Variants in GRM3 observed in about 807,000 individuals in gnomAD.
The protein encoded by GRM3 is metabotropic glutamate receptor 3.
GRM3 carries 26 observed loss-of-function variants against 70.5 expected under a neutral mutation model. That is an observed-to-expected ratio of 0.37 (90% confidence interval 0.27 to 0.51). GRM3 has a LOEUF of 0.51. Among genes scored for constraint, GRM3 ranks in the 20% least tolerant of loss-of-function variants. The pLI is 0.93. For missense variants in GRM3, 859 were observed against 1,123.8 expected, an observed-to-expected ratio of 0.76 and a Z score of 3.37; for synonymous variants, 443 against 434.9, an observed-to-expected ratio of 1.02 and a Z score of -0.23.
intron 2 of GRM3, among the ~76,000 whole-genome samples, chr7:86,784,932 G>A (rs1370954959): frequency 6.6e-6 from 1 of 152,158 alleles, no homozygotes; most frequent in Admixed American, 6.5e-5. Flanking sequence ...ATGCTGTGTA[G>A]CTGTGTATGA....
At chr7:86,700,950 T>C (rs1337452464) in intron 1 of GRM3, among the ~76,000 whole-genome samples, 7 of 151,954 alleles carry the variant, frequency 4.6e-5, no homozygotes, top group Non-Finnish European at 1.0e-4. Context: ...TTGATGTTCA[T>C]TGTAATTTTA....
intron 3 of GRM3, among the ~76,000 whole-genome samples, chr7:86,822,800 A>C (rs1318962258): frequency 6.6e-6 from 1 of 152,226 alleles, no homozygotes; most frequent in East Asian, 1.9e-4. Context: ...GAAAGGCTAC[A>C]TACCATATCA....
intron 1 of GRM3, among the ~76,000 whole-genome samples, chr7:86,655,166 G>A (rs73704953): frequency 0.022 from 3,423 of 152,208 alleles, 128 homozygotes; most frequent in African/African-American, 0.077. Flanking sequence ...CTTTCTGTTT[G>A]CACCAAATAC....
chr7:86,862,722 G>A (rs1042413462), intron 5 of GRM3, among the ~76,000 whole-genome samples: 3 of 152,124 alleles, frequency 2.0e-5, no homozygotes, highest in African/African-American at 7.2e-5. Flanking sequence ...TTGAGGGGCT[G>A]TAGATTCCCT....
At chr7:86,712,322 T>C (rs1562834581) in intron 1 of GRM3, among the ~76,000 whole-genome samples, 2 of 152,090 alleles carry the variant, frequency 1.3e-5, no homozygotes. Context: ...TTTAGCGTTA[T>C]GTCACTTCAT....
intron 1 of GRM3, among the ~76,000 whole-genome samples, chr7:86,763,956 A>G (rs1375983722): frequency 3.9e-5 from 6 of 152,144 alleles, no homozygotes; most frequent in Admixed American, 6.6e-5. Flanking sequence ...AAGAAGTGGT[A>G]GCTTTGGGAG....
chr7:86,861,951 G>A (rs1798969631), intron 5 of GRM3, among the ~76,000 whole-genome samples: 2 of 152,324 alleles, frequency 1.3e-5, no homozygotes, highest in South Asian at 4.1e-4. Flanking sequence ...GTTGCCCCAG[G>A]GTGGTAGATG....
intron 1 of GRM3, among the ~76,000 whole-genome samples, chr7:86,649,059 C>T (rs1793546036): frequency 6.6e-6 from 1 of 152,116 alleles, no homozygotes; most frequent in African/African-American, 2.4e-5. Flanking sequence ...GAAACACTCA[C>T]GTGGATTAGG....
At chr7:86,851,359 T>C (rs1183184265) in intron 5 of GRM3, among the ~76,000 whole-genome samples, 1 of 152,144 alleles carries the variant, frequency 6.6e-6, no homozygotes, top group Non-Finnish European at 1.5e-5. Context: ...AGAGAATCAT[T>C]GATTTAATTC....
At position 86,765,377 on chromosome 7, in the gene GRM3, G is replaced by A; in HGVS notation, c.232G>A (p.Glu78Lys). ...RLEAMLFAID[E>K]INKDDYLLPG... ...GGAAGCCATGTTGTTTGCTATTGAT[G>A]AAATCAACAAAGATGATTACTTGCT... The change falls in exon 2 of 6, where the codon GAA (glutamate) becomes AAA (lysine). Residue 78 changes from glutamate (E) to lysine (K), a missense_variant. Glu to Lys is a moderately conservative substitution (Grantham distance 56). Coordinates refer to ENST00000361669, the MANE Select transcript of GRM3 (RefSeq NM_000840.3). The A allele has an allele frequency of 6.2e-7, 1 of 1,613,938 alleles. No individual in the cohort carries two copies. Among genetic ancestry groups the A allele is most frequent in the South Asian group, 1.1e-5 (1 of 91,080 alleles).
intron 5 of GRM3, among the ~76,000 whole-genome samples, chr7:86,860,844 C>G (rs551414885): frequency 6.6e-6 from 1 of 152,248 alleles, no homozygotes; most frequent in South Asian, 2.1e-4. Context: ...CAAGTTGACT[C>G]TAAGAGTGCA....
intron 1 of GRM3, among the ~76,000 whole-genome samples, chr7:86,666,412 C>T (rs1794027264): frequency 6.6e-6 from 1 of 151,986 alleles, no homozygotes; most frequent in African/African-American, 2.4e-5. Flanking sequence ...TTAAAGGTAA[C>T]ATAGTCTTTT....
rs555776256 is a variant in GRM3, at chr7:86,792,521, A to G, written c.1324+5405A>G. On this transcript the variant is annotated intron_variant, in intron 3 of 5. Transcript: ENST00000361669. ...GTTAGGCTAAACTGTTTGAGAATGG[A>G]GAAATTGAGAACTTGACACAAAAGA... is the stretch of plus-strand genomic sequence containing the variant. Among the ~76,000 whole-genome samples the G allele has an allele frequency of 7.9e-5, 12 of 152,302 alleles. No individual in the cohort carries two copies. In the South Asian group the frequency reaches 2.5e-3, roughly 32 times the overall value.
intron 1 of GRM3, among the ~76,000 whole-genome samples, chr7:86,698,520 T>TTATATATATA (rs570784350): frequency 2.1e-5 from 3 of 142,158 alleles, no homozygotes; most frequent in African/African-American, 8.0e-5. Context: ...TAAAAAGTAT[T>TTATATATATA]TATATATATA....
At chr7:86,724,092 T>G (rs570090738) in intron 1 of GRM3, among the ~76,000 whole-genome samples, 6 of 152,284 alleles carry the variant, frequency 3.9e-5, no homozygotes, top group Admixed American at 3.9e-4. Flanking sequence ...AAGATAAAAG[T>G]GGGATCACTA....
intron 5 of GRM3, among the ~76,000 whole-genome samples, chr7:86,855,595 C>T (rs1798831914): frequency 6.6e-6 from 1 of 152,172 alleles, no homozygotes; most frequent in African/African-American, 2.4e-5. Context: ...AATGTGTGAA[C>T]TGTTCAATTA....
intron 1 of GRM3, among the ~76,000 whole-genome samples, chr7:86,645,539 A>T (rs1321482078): frequency 6.6e-6 from 1 of 152,104 alleles, no homozygotes; most frequent in African/African-American, 2.4e-5. Flanking sequence ...AGGGCGGGAG[A>T]TTTGCGATCC....
intron 4 of GRM3, among the ~76,000 whole-genome samples, chr7:86,848,412 T>G (rs1161026208): frequency 6.6e-6 from 1 of 152,180 alleles, no homozygotes; most frequent in African/African-American, 2.4e-5. Flanking sequence ...GATGACTTTA[T>G]GATCTCTAAG....
chr7:86,747,068 G>C (rs970139946), intron 1 of GRM3, among the ~76,000 whole-genome samples: 3 of 152,150 alleles, frequency 2.0e-5, no homozygotes, highest in East Asian at 3.9e-4. Context: ...GCACTCATAG[G>C]AGTTGGAAGA....
Sources: gnomAD v4.1 joint callset for allele counts (sites outside exome capture counted in the v4.1 genomes callset) on GRCh38, gnomAD v4.1.1 for gene constraint, MANE v1.5 for transcripts, NCBI Gene and HGNC (gene_info 2026-07-23, HGNC 2026-07-21) for gene names.